TEX14: variants seen among roughly 807,000 people sequenced by gnomAD.
TEX14 encodes the protein inactive serine/threonine-protein kinase TEX14.
Under a neutral mutation model 178.6 loss-of-function variants are expected in TEX14, and 168 were observed. That is an observed-to-expected ratio of 0.94 (90% CI 0.83 to 1.07). TEX14 has a LOEUF of 1.07. Ranked by LOEUF, TEX14 falls within the 50% of genes least tolerant of loss-of-function variation. The probability of loss-of-function intolerance (pLI) is 0.00; values close to 1 mark genes in which losing one functional copy is unlikely to be tolerated. For missense variants in TEX14, 1,730 were observed against 1,753.6 expected, an observed-to-expected ratio of 0.99 and a Z score of 0.24; for synonymous variants, 626 against 634.1, an observed-to-expected ratio of 0.99 and a Z score of 0.19.
chr17:58,617,467 AGGTG>A, intron 6 of TEX14, 67 bp downstream of exon 6: 1 of 1,121,954 alleles, frequency 8.9e-7, no homozygotes, highest in African/African-American at 1.5e-5. Context: ...AGTTGGACAA[AGGTG>A]GGAGATGGGG....
intron 8 of TEX14, among the ~76,000 whole-genome samples, 157 bp from the exon 9 acceptor site, chr17:58,613,701 C>T (rs543773975): frequency 4.3e-4 from 66 of 152,104 alleles, no homozygotes; most frequent in African/African-American, 1.1e-3. Flanking sequence ...CACTGTATTG[C>T]CCAGTCTGGA....
intron 2 of TEX14, among the ~76,000 whole-genome samples, chr17:58,637,008 CT>C (rs1245018276): frequency 6.6e-6 from 1 of 152,144 alleles, no homozygotes; most frequent in Non-Finnish European, 1.5e-5. Context: ...GGGTGAATCA[CT>C]TGAGGTCAGC....
At chr17:58,574,840 C>A (rs1567714547) in intron 21 of TEX14, among the ~76,000 whole-genome samples, 1 of 151,936 alleles carries the variant, frequency 6.6e-6, no homozygotes, top group Non-Finnish European at 1.5e-5. Context: ...CGACTGTGAG[C>A]AAATTCATGA....
chr17:58,644,638 CTTTTTTTTTTT>C (rs34373378), intron 2 of TEX14, among the ~76,000 whole-genome samples: 1 of 39,566 alleles, frequency 2.5e-5, no homozygotes, highest in Non-Finnish European at 4.3e-5. Flanking sequence ...CCGCACCTGG[CTTTTTTTTTTT>C]TTTTTTTTTT....
At chr17:58,572,846 A>G (rs1382523307) in intron 23 of TEX14, among the ~76,000 whole-genome samples, 1 of 152,240 alleles carries the variant, frequency 6.6e-6, no homozygotes, top group African/African-American at 2.4e-5. Context: ...TAAGAACTAT[A>G]TAAAGTTTAA....
chr17:58,557,648 A>G (rs893388198), intron 31 of TEX14, 151 bp downstream of exon 31: 7 of 587,440 alleles, frequency 1.2e-5, no homozygotes, highest in African/African-American at 1.1e-4. Flanking sequence ...TTAATTAACT[A>G]TAAACACTAA....
At chr17:58,588,045 A>T in intron 15 of TEX14, 24 bp from the exon 16 acceptor site, 1 of 866,134 alleles carries the variant, frequency 1.2e-6, no homozygotes, top group Non-Finnish European at 2.0e-6. Context: ...GGACTGAGCT[A>T]TAAGATCTCT....
chr17:58,558,936 G>A (rs558943839), intron 30 of TEX14, among the ~76,000 whole-genome samples: 2 of 152,232 alleles, frequency 1.3e-5, no homozygotes, highest in South Asian at 2.1e-4. Context: ...TTGGGAGGCC[G>A]AGGCAGGCAG....
chr17:58,652,748 A>T (rs1184312023), intron 1 of TEX14, among the ~76,000 whole-genome samples: 1 of 152,230 alleles, frequency 6.6e-6, no homozygotes, highest in African/African-American at 2.4e-5. Context: ...TTGAAAGGTT[A>T]GAACACAAAT....
intron 20 of TEX14, among the ~76,000 whole-genome samples, chr17:58,578,667 CAAGTT>C (rs1165329826): frequency 6.6e-6 from 1 of 152,200 alleles, no homozygotes; most frequent in East Asian, 1.9e-4. Flanking sequence ...CCTCCACATA[CAAGTT>C]AAGTGGCCAC....
intron 8 of TEX14, among the ~76,000 whole-genome samples, chr17:58,614,006 T>C (rs1318339992): frequency 6.6e-6 from 1 of 152,078 alleles, no homozygotes; most frequent in Non-Finnish European, 1.5e-5. Flanking sequence ...GGATGAGGTG[T>C]TGGTGAGGGT....
chr17:58,621,762 C>G lies in TEX14; in HGVS notation c.442G>C (p.Ala148Pro). 1 of 1,614,062 alleles carries G rather than the reference C, an allele frequency of 6.2e-7. No homozygotes were observed. Among genetic ancestry groups the G allele is most frequent in the South Asian group, 1.1e-5 (1 of 91,076 alleles). Reference protein sequence around the residue: ...TQIVEFMQRCASHMQAIIQGF... With the variant: ...TQIVEFMQRCPSHMQAIIQGF... Reference sequence around the variant, plus strand: ...TGGATGATGGCCTGCATGTGTGAGGCACAGCGCTGCATGAACTCCACTATC... The same window carrying G: ...TGGATGATGGCCTGCATGTGTGAGGGACAGCGCTGCATGAACTCCACTATC... Residue 148 changes from alanine (A) to proline (P), a missense_variant, in exon 5 of 32, where the codon GCC becomes CCC. Ala to Pro is a conservative substitution (Grantham distance 27). Around this residue, in one of 2 missense-constraint regions of TEX14, gnomAD observed 789 missense variants for 681.2 expected, o/e 1.16. Transcript: ENST00000349033.
chr17:58,577,098 A>G lies in TEX14; in HGVS notation c.3320+277T>C, dbSNP rs1314219031. Among the ~76,000 whole-genome samples the G allele has an allele frequency of 2.0e-5, 3 of 152,220 alleles. No homozygotes were observed. The East Asian group carries it at 5.8e-4, about 29-fold the overall frequency. ...GTCAACATTCTCAGTAAGGATTCTT[A>G]TCCCTGCTTCACAGATGGGAAAATA... is the stretch of plus-strand genomic sequence containing the variant. On this transcript the variant is annotated intron_variant, in intron 21 of 31. Transcript: ENST00000349033.
chr17:58,638,600 GCA>G (rs1197198614), intron 2 of TEX14, among the ~76,000 whole-genome samples: 1 of 151,958 alleles, frequency 6.6e-6, no homozygotes. Context: ...GTGCAGTGGT[GCA>G]ATCTCGGCTT....
chr17:58,565,664 T>C, intron 27 of TEX14, 83 bp downstream of exon 27: 1 of 978,804 alleles, frequency 1.0e-6, no homozygotes, highest in South Asian at 1.5e-5. Context: ...GACCTCAAGG[T>C]CACACTTCCC....
At chr17:58,688,810 G>C (rs182639700) in intron 1 of TEX14, among the ~76,000 whole-genome samples, 25 of 152,236 alleles carry the variant, frequency 1.6e-4, no homozygotes, top group African/African-American at 5.1e-4. Context: ...ATATTCCCGG[G>C]GGGGGTTTGG....
rs746423675 is a variant in TEX14 at position 58,601,946 on chromosome 17, C to A, written c.1538G>T (p.Gly513Val). ...CTCGGTTGGTTGAGTTCTCTGGGCT[C>A]CAGTAAAATCCTGTAACACAGGAAA... ...ILKNDLKDFT[G>V]AQRTQPTESP... The change falls in exon 13 of 32, where the codon GGA becomes GTA. Residue 513 changes from glycine to valine, a missense_variant. Physicochemically the swap from Gly to Val is moderately radical, Grantham distance 109. Coordinates refer to ENST00000349033, the MANE Select transcript of TEX14 (RefSeq NM_031272.5). 7 of 1,612,844 alleles carry A rather than the reference C, an allele frequency of 4.3e-6. No homozygotes were observed. In the Admixed American group the frequency reaches 1.2e-4, roughly 27 times the overall value.
At chr17:58,593,011 GTA>G (rs1245503261) in intron 15 of TEX14, among the ~76,000 whole-genome samples, 1 of 151,688 alleles carries the variant, frequency 6.6e-6, no homozygotes, top group East Asian at 1.9e-4. Context: ...TTATATATAC[GTA>G]TATGTGTATG....
Position 58,622,928 on chromosome 17 carries a change from T to G in TEX14, c.336A>C (p.Gly112=). Reference sequence around the variant, plus strand: ...TCTCATCGTGGAGTCGCAGGTCACCTCCTGCATCCAGCAGTTTGCTAAGGA... The same window carrying G: ...TCTCATCGTGGAGTCGCAGGTCACCGCCTGCATCCAGCAGTTTGCTAAGGA... ...QWILSKLLDA[G]GDLRLHDERG... is the part of the protein sequence containing the mutation. The change falls in exon 4 of 32, where the codon GGA becomes GGC. Residue 112 remains glycine, a synonymous_variant. Transcript: ENST00000349033. 3.7e-6 allele frequency: 6 copies of G among 1,613,220 alleles called. No individual in the cohort carries two copies. The African/African-American group carries it at 8.0e-5, about 22-fold the overall frequency.
Sources: allele counts gnomAD v4.1 joint callset (sites outside exome capture counted in the v4.1 genomes callset), GRCh38; gene constraint gnomAD v4.1.1; regional missense constraint gnomAD v4.1.1; transcripts MANE v1.5; gene names NCBI Gene and HGNC (gene_info 2026-07-23, HGNC 2026-07-21).